Variants in RGPD2 observed in about 807,000 individuals in gnomAD.
The protein encoded by RGPD2 is RANBP2-like and GRIP domain-containing protein 2.
Under a neutral mutation model 36.0 loss-of-function variants are expected in RGPD2, and 2 were observed. The ratio of observed to expected loss-of-function variants is 0.06; its 90% confidence interval spans 0.02 to 0.17. RGPD2 has a LOEUF of 0.17. Among genes scored for constraint, RGPD2 ranks in the 10% least tolerant of loss-of-function variants. The pLI, the probability that RGPD2 is intolerant of heterozygous loss-of-function variation, is 1.00. For synonymous variants in RGPD2, 19 were observed against 163.8 expected (o/e 0.12, Z 6.75); for missense variants, 40 against 464.3 (o/e 0.09, Z 8.40).
At chr2:87,940,576 G>C in the RGPD2 span, among the ~76,000 whole-genome samples, 1 of 138,238 alleles carries the variant, frequency 7.2e-6, no homozygotes, top group Non-Finnish European at 1.6e-5. Context: ...TAAGGGGTTT[G>C]GTGGATAAAA....
At chr2:87,888,322 A>G in the RGPD2 span, among the ~76,000 whole-genome samples, 12 of 151,600 alleles carry the variant, frequency 7.9e-5, no homozygotes, top group Admixed American at 7.3e-4. Context: ...AATTTCTTTC[A>G]CATAAATCAT....
the RGPD2 span, among the ~76,000 whole-genome samples, chr2:87,983,278 C>T: frequency 6.6e-6 from 1 of 152,168 alleles, no homozygotes; most frequent in African/African-American, 2.4e-5. Flanking sequence ...CAGGATAGCG[C>T]CACTGCATTC....
the RGPD2 span, among the ~76,000 whole-genome samples, chr2:87,854,925 C>CA: frequency 5.9e-5 from 9 of 152,252 alleles, 1 homozygote; most frequent in Admixed American, 5.2e-4. Flanking sequence ...ATTTGATATA[C>CA]ATATGCATTG....
the RGPD2 span, among the ~76,000 whole-genome samples, chr2:87,869,809 G>C: frequency 7.2e-5 from 11 of 152,118 alleles, no homozygotes; most frequent in South Asian, 4.1e-4. Context: ...GACTATAAGA[G>C]AAGTTAACGT....
At chr2:87,979,885 A>G in the RGPD2 span, among the ~76,000 whole-genome samples, 1 of 151,940 alleles carries the variant, frequency 6.6e-6, no homozygotes, top group Non-Finnish European at 1.5e-5. Context: ...CAAAAAAAAA[A>G]AACCACACAA....
the RGPD2 span, among the ~76,000 whole-genome samples, chr2:87,877,804 C>CAAAAAAAAAAAAAAAAAAAAAAAA: frequency 2.4e-5 from 2 of 84,378 alleles, no homozygotes; most frequent in Admixed American, 1.6e-4. Flanking sequence ...GACTCCGTCT[C>CAAAAAAAAAAAAAAAAAAAAAAAA]AAAAAAAAAA....
chr2:87,864,196 C>T, the RGPD2 span, among the ~76,000 whole-genome samples: 1 of 152,166 alleles, frequency 6.6e-6, no homozygotes, highest in Non-Finnish European at 1.5e-5. Flanking sequence ...AATGCCCCTG[C>T]TCAATGTAAA....
chr2:87,857,887 G>A, the RGPD2 span, among the ~76,000 whole-genome samples: 4 of 151,464 alleles, frequency 2.6e-5, no homozygotes, highest in African/African-American at 9.7e-5. Flanking sequence ...TATGAGTCTT[G>A]TACTTTTCTG....
At chr2:87,825,397 CCG>C in intron 1 of RGPD2, among the ~76,000 whole-genome samples, 5 of 135,460 alleles carry the variant, frequency 3.7e-5, no homozygotes, top group South Asian at 2.2e-4. Flanking sequence ...CCGCCGCCGC[CCG>C]GCCAGGCCGA....
At chr2:87,958,469 A>G in the RGPD2 span, among the ~76,000 whole-genome samples, 1 of 152,258 alleles carries the variant, frequency 6.6e-6, no homozygotes. Context: ...ATATTCCTGC[A>G]TATACACCAC....
chr2:87,864,660 T>A, the RGPD2 span, among the ~76,000 whole-genome samples: 1 of 152,300 alleles, frequency 6.6e-6, no homozygotes, highest in African/African-American at 2.4e-5. Context: ...AGTAGATAGA[T>A]CGATCTTCTC....
chr2:87,763,380 G>T (rs962126495), intron 22 of RGPD2, among the ~76,000 whole-genome samples: 1 of 147,068 alleles, frequency 6.8e-6, no homozygotes, highest in Non-Finnish European at 1.5e-5. Context: ...GATGGTCTCG[G>T]TCTCCTGACC....
At chr2:87,961,271 C>T in the RGPD2 span, among the ~76,000 whole-genome samples, 1 of 152,168 alleles carries the variant, frequency 6.6e-6, no homozygotes, top group African/African-American at 2.4e-5. Context: ...AAGAGGAAAG[C>T]GCCTGAAAGC....
At chr2:87,876,338 C>A in the RGPD2 span, among the ~76,000 whole-genome samples, 20 of 152,014 alleles carry the variant, frequency 1.3e-4, no homozygotes, top group African/African-American at 4.6e-4. Flanking sequence ...AACTTGAGTT[C>A]TTTTTAACTT....
the RGPD2 span, among the ~76,000 whole-genome samples, chr2:87,915,357 T>TTA: frequency 8.6e-5 from 10 of 116,470 alleles, no homozygotes; most frequent in Admixed American, 6.6e-4. Context: ...ATTATATATA[T>TTA]TATATATATA....
the RGPD2 span, among the ~76,000 whole-genome samples, chr2:87,905,058 A>G: frequency 6.6e-6 from 1 of 152,158 alleles, no homozygotes; most frequent in African/African-American, 2.4e-5. Flanking sequence ...CCAGACCCCT[A>G]AGGGTTGGGA....
the RGPD2 span, among the ~76,000 whole-genome samples, chr2:87,932,687 T>A: frequency 6.6e-6 from 1 of 151,734 alleles, no homozygotes; most frequent in African/African-American, 2.4e-5. Flanking sequence ...CTGAAAAGGA[T>A]CTTATTTCTC....
chr2:87,781,497 C>G (rs573650065), intron 20 of RGPD2, among the ~76,000 whole-genome samples: 5 of 143,396 alleles, frequency 3.5e-5, no homozygotes, highest in African/African-American at 7.8e-5. Flanking sequence ...CAAAGTCTCA[C>G]TCAGTCAGGC....
chr2:87,840,038 G>A, the RGPD2 span, among the ~76,000 whole-genome samples: 1 of 147,406 alleles, frequency 6.8e-6, no homozygotes, highest in African/African-American at 2.5e-5. Context: ...GAATTTAAGA[G>A]TATCCCCTTC....
Sources: allele counts gnomAD v4.1 joint callset (sites outside exome capture counted in the v4.1 genomes callset), GRCh38; gene constraint gnomAD v4.1.1; transcripts MANE v1.5; gene names NCBI Gene and HGNC (gene_info 2026-07-23, HGNC 2026-07-21).